The following RFX3 variants were observed in gnomAD, a reference collection of about 807,000 sequenced individuals.
The protein encoded by RFX3 is transcription factor RFX3.
In RFX3, 14 loss-of-function variants were observed where a neutral mutation model predicts 98.6. That is an observed-to-expected ratio of 0.14 (90% confidence interval 0.09 to 0.22). The LOEUF is 0.22. Ranked by LOEUF, RFX3 falls within the 10% of genes least tolerant of loss-of-function variation. The pLI is 1.00. For missense variants in RFX3, 639 were observed against 926.9 expected, an observed-to-expected ratio of 0.69 and a Z score of 4.03; for synonymous variants, 383 against 328.4, an observed-to-expected ratio of 1.17 and a Z score of -1.80.
chr9:3,415,710 G>C (rs1048558056), intron 1 of RFX3, among the ~76,000 whole-genome samples: 1 of 152,026 alleles, frequency 6.6e-6, no homozygotes, highest in Non-Finnish European at 1.5e-5. Flanking sequence ...TGTATATCAT[G>C]ACTTTCTAGT....
Position 3,224,916 on chromosome 9 carries a change from C to T in RFX3, c.*126G>A. On this transcript the variant is annotated 3_prime_UTR_variant, in exon 17 of 17. Coordinates refer to ENST00000617270, the MANE Select transcript of RFX3 (RefSeq NM_001282116.2). ...CATACACCCATTCCATTTCACAACT[C>T]CAAAAAGTTAATGTTCAGCACAGAT... 7.4e-6 allele frequency: 7 copies of T among 945,926 alleles called. No individual in the cohort carries two copies. The highest frequency in any genetic ancestry group is 1.6e-5 in the South Asian group (1 of 60,730). 58.6% of individuals were successfully genotyped at this position (945,926 alleles called of 1,614,324 possible).
chr9:3,267,100 A>G (rs1823747193), intron 11 of RFX3, among the ~76,000 whole-genome samples: 2 of 151,998 alleles, frequency 1.3e-5, no homozygotes, highest in Admixed American at 6.6e-5. Flanking sequence ...ATAAGAAAAA[A>G]TCTGCTTACT....
intron 2 of RFX3, among the ~76,000 whole-genome samples, chr9:3,356,969 ACACG>A (rs913379033): frequency 1.3e-4 from 19 of 142,338 alleles, no homozygotes; most frequent in African/African-American, 3.5e-4. Context: ...ACATGCACAC[ACACG>A]CACACACACA....
Position 3,374,460 on chromosome 9 carries a change from CCCAAGTAT to C in RFX3, c.117+21004_117+21011del, listed in dbSNP as rs1402371307. On this transcript the variant is annotated intron_variant, in intron 2 of 16. Transcript: ENST00000617270. ...GGGCAGGGCCAAAAGGTGGAAGCAA[CCCAAGTAT>C]CCAAGGGAAGATGAATGAATAAACA... 1.3e-5 allele frequency among the ~76,000 whole-genome samples: 2 copies of C among 151,976 alleles called. 1 individual carries two copies. The highest frequency in any genetic ancestry group is 2.9e-5 in the Non-Finnish European group (2 of 68,006).
At chr9:3,362,248 T>C (rs1239319724) in intron 2 of RFX3, among the ~76,000 whole-genome samples, 1 of 152,244 alleles carries the variant, frequency 6.6e-6, no homozygotes, top group Non-Finnish European at 1.5e-5. Flanking sequence ...GTGAATCTTC[T>C]AGGAATGGTA....
At chr9:3,489,406 C>T (rs1036050052) in intron 1 of RFX3, 3 of 985,150 alleles carry the variant, frequency 3.0e-6, no homozygotes, top group South Asian at 9.4e-5. Flanking sequence ...CTTTAAAGTA[C>T]TGTTTGTAGT....
rs1303934854 is a variant in RFX3, at chr9:3,403,402, A to G, written c.-8-7806T>C. ...GTTGTAATCCTCATGACTGTGTACAATAAATCTTTGTACTAAATTGATCTG... is the reference window on the plus strand; with the variant it reads ...GTTGTAATCCTCATGACTGTGTACAGTAAATCTTTGTACTAAATTGATCTG... On this transcript the variant is annotated intron_variant, in intron 1 of 16. Coordinates refer to ENST00000617270, the MANE Select transcript of RFX3 (RefSeq NM_001282116.2). 2.0e-5 allele frequency among the ~76,000 whole-genome samples: 3 copies of G among 152,164 alleles called. No homozygotes were observed. The East Asian group carries it at 5.8e-4, about 29-fold the overall frequency.
chr9:3,516,174 G>A (rs1055526182), intron 1 of RFX3, among the ~76,000 whole-genome samples: 5 of 151,558 alleles, frequency 3.3e-5, no homozygotes, highest in East Asian at 1.9e-4. Context: ...TCAGCCTCCC[G>A]AGTAGCTAGG....
chr9:3,316,803 A>T lies in RFX3; in HGVS notation c.474+13456T>A, dbSNP rs537198423. Among the ~76,000 whole-genome samples the T allele has an allele frequency of 2.6e-5, 4 of 152,288 alleles. No homozygotes were observed. The East Asian group carries it at 7.7e-4, about 29-fold the overall frequency. On this transcript the variant is annotated intron_variant, in intron 4 of 16. Transcript: ENST00000617270. ...AGAGAATAAAATACCTAGGAATCCA[A>T]CTTATAAGGGATGTGAAGGACCTCT...
intron 1 of RFX3, among the ~76,000 whole-genome samples, chr9:3,449,181 GAGC>G (rs1846333445): frequency 6.6e-6 from 1 of 152,130 alleles, no homozygotes; most frequent in South Asian, 2.1e-4. Context: ...ATACATAGGA[GAGC>G]AACACCTAGC....
chr9:3,224,772 A>C lies in RFX3; in HGVS notation c.*270T>G. 3.4e-6 allele frequency: 1 copy of C among 296,048 alleles called. No individual in the cohort carries two copies. The highest frequency in any genetic ancestry group is 9.3e-4 in the Middle Eastern group (1 of 1,070). The allele number at this position is 296,048 out of a possible 1,614,324, so 18.3% of individuals were successfully genotyped here. On this transcript the variant is annotated 3_prime_UTR_variant, in exon 17 of 17. Coordinates refer to ENST00000617270, the MANE Select transcript of RFX3 (RefSeq NM_001282116.2). ...TAAATTACTTTTTAATTATAAGAAA[A>C]CAAAACATTGACATTAAGTGTTGTA...
intron 1 of RFX3, among the ~76,000 whole-genome samples, chr9:3,497,595 G>A (rs932466391): frequency 6.6e-6 from 1 of 151,616 alleles, no homozygotes; most frequent in Non-Finnish European, 1.5e-5. Flanking sequence ...ATATCAGATG[G>A]GTGTATAAAA....
chr9:3,324,907 T>C (rs1460107198), intron 4 of RFX3, among the ~76,000 whole-genome samples: 2 of 151,900 alleles, frequency 1.3e-5, no homozygotes, highest in African/African-American at 4.8e-5. Context: ...GAGGTTGCAG[T>C]GAGCCGAGAT....
intron 1 of RFX3, among the ~76,000 whole-genome samples, chr9:3,485,585 C>T (rs764702473): frequency 4.6e-5 from 7 of 152,146 alleles, no homozygotes; most frequent in Non-Finnish European, 8.8e-5. Context: ...TTAAAGTGTA[C>T]ATAATACGGA....
At chr9:3,344,522 C>G (rs1834228303) in intron 3 of RFX3, among the ~76,000 whole-genome samples, 1 of 152,108 alleles carries the variant, frequency 6.6e-6, no homozygotes, top group Non-Finnish European at 1.5e-5. Flanking sequence ...ACTAATCTCT[C>G]CACCTTAGCT....
chr9:3,519,140 T>G (rs540288937), intron 1 of RFX3, among the ~76,000 whole-genome samples: 1 of 152,268 alleles, frequency 6.6e-6, no homozygotes, highest in South Asian at 2.1e-4. Context: ...TAATGACATA[T>G]TACATCATTA....
At chr9:3,377,925 TA>T (rs1838731878) in intron 2 of RFX3, among the ~76,000 whole-genome samples, 1 of 152,190 alleles carries the variant, frequency 6.6e-6, no homozygotes, top group African/African-American at 2.4e-5. Context: ...GCTTCTTAGT[TA>T]AAAATATTTA....
chr9:3,504,882 T>G (rs1307913978), intron 1 of RFX3, among the ~76,000 whole-genome samples: 4 of 70,834 alleles, frequency 5.6e-5, no homozygotes, highest in African/African-American at 8.4e-5. Context: ...ATATATATTA[T>G]ATATAATATA....
chr9:3,242,212 A>C (rs1420013034), intron 15 of RFX3, among the ~76,000 whole-genome samples: 1 of 152,184 alleles, frequency 6.6e-6, no homozygotes, highest in Non-Finnish European at 1.5e-5. Context: ...GGATACTGAG[A>C]CATCTTTTGC....
Sources: gnomAD v4.1 joint callset for allele counts (sites outside exome capture counted in the v4.1 genomes callset) on GRCh38, gnomAD v4.1.1 for gene constraint, MANE v1.5 for transcripts, NCBI Gene and HGNC (gene_info 2026-07-23, HGNC 2026-07-21) for gene names.